The following RFX3 variants were observed in gnomAD, a reference collection of about 807,000 sequenced individuals.
RFX3 encodes the protein transcription factor RFX3.
Under a neutral mutation model 98.6 loss-of-function variants are expected in RFX3, and 14 were observed. The ratio of observed to expected loss-of-function variants is 0.14; its 90% CI spans 0.09 to 0.22. RFX3 has a LOEUF of 0.22. RFX3 is among the 10% of genes least tolerant of loss of function. RFX3 has a pLI of 1.00. For synonymous variants in RFX3, 383 were observed against 328.4 expected (o/e 1.17, Z -1.80); for missense variants, 639 against 926.9 (o/e 0.69, Z 4.03).
chr9:3,248,775 C>A (rs981985523), intron 14 of RFX3, among the ~76,000 whole-genome samples: 1 of 152,046 alleles, frequency 6.6e-6, no homozygotes, highest in African/African-American at 2.4e-5. Flanking sequence ...ATGATTTCCA[C>A]TTAAATTAAG....
chr9:3,228,020 A>G (rs1817990757), intron 16 of RFX3, among the ~76,000 whole-genome samples: 1 of 152,156 alleles, frequency 6.6e-6, no homozygotes, highest in African/African-American at 2.4e-5. Flanking sequence ...CCTGTCGCCG[A>G]TAGTCAATAA....
chr9:3,382,469 T>C (rs111755483), intron 2 of RFX3, among the ~76,000 whole-genome samples: 1 of 152,294 alleles, frequency 6.6e-6, no homozygotes, highest in Non-Finnish European at 1.5e-5. Context: ...ACTGAGGGCC[T>C]TCAGTCTACT....
At chr9:3,334,353 T>C (rs1231649910) in intron 3 of RFX3, among the ~76,000 whole-genome samples, 1 of 152,176 alleles carries the variant, frequency 6.6e-6, no homozygotes, top group Non-Finnish European at 1.5e-5. Context: ...CCACTTCGGA[T>C]TGGAATTTTA....
chr9:3,342,349 C>T (rs1447344603), intron 3 of RFX3, among the ~76,000 whole-genome samples: 2 of 152,112 alleles, frequency 1.3e-5, no homozygotes, highest in Non-Finnish European at 2.9e-5. Flanking sequence ...CCACAGAACT[C>T]TTAAGGGACT....
At chr9:3,319,487 T>C (rs1370076700) in intron 4 of RFX3, among the ~76,000 whole-genome samples, 1 of 152,186 alleles carries the variant, frequency 6.6e-6, no homozygotes, top group Non-Finnish European at 1.5e-5. Flanking sequence ...TTAAGTATTA[T>C]TTGCATTCAT....
At chr9:3,255,498 G>C (rs1031038632) in intron 14 of RFX3, among the ~76,000 whole-genome samples, 2 of 152,216 alleles carry the variant, frequency 1.3e-5, no homozygotes, top group Non-Finnish European at 2.9e-5. Flanking sequence ...ATCTACAGTA[G>C]AGACTGCCTA....
intron 1 of RFX3, among the ~76,000 whole-genome samples, chr9:3,445,293 C>T (rs897072532): frequency 2.8e-5 from 4 of 145,360 alleles, no homozygotes; most frequent in Non-Finnish European, 4.8e-5. Flanking sequence ...CTATGCAATT[C>T]TAAGCAGTTA....
intron 1 of RFX3, among the ~76,000 whole-genome samples, chr9:3,519,256 T>G (rs1489300944): frequency 6.6e-6 from 1 of 152,182 alleles, no homozygotes; most frequent in African/African-American, 2.4e-5. Context: ...GGGCTAGCAT[T>G]CTATTAATTC....
At chr9:3,476,783 G>T (rs943584093) in intron 1 of RFX3, among the ~76,000 whole-genome samples, 7 of 152,178 alleles carry the variant, frequency 4.6e-5, no homozygotes, top group Non-Finnish European at 1.0e-4. Flanking sequence ...GAAGAGGGAA[G>T]TTTTTGAAAG....
intron 1 of RFX3, chr9:3,489,492 G>C: frequency 1.2e-6 from 1 of 831,778 alleles, no homozygotes; most frequent in Non-Finnish European, 1.5e-6. Flanking sequence ...TAGAGTAGGG[G>C]AATTATGACA....
intron 4 of RFX3, 105 bp from the exon 5 acceptor site, chr9:3,301,725 G>T: frequency 1.4e-6 from 1 of 737,320 alleles, no homozygotes; most frequent in Non-Finnish European, 2.3e-6. Flanking sequence ...CTTCCTCAAC[G>T]GTCGTTAATG....
At chr9:3,521,685 T>C (rs769757535) in intron 1 of RFX3, among the ~76,000 whole-genome samples, 8 of 152,196 alleles carry the variant, frequency 5.3e-5, no homozygotes, top group Non-Finnish European at 1.0e-4. Flanking sequence ...CTATAAACTT[T>C]ATAGCAGTAA....
At chr9:3,497,137 A>G (rs1052540224) in intron 1 of RFX3, among the ~76,000 whole-genome samples, 1 of 152,048 alleles carries the variant, frequency 6.6e-6, no homozygotes, top group Non-Finnish European at 1.5e-5. Flanking sequence ...TCGTGATGTG[A>G]AATATAGTGA....
chr9:3,503,331 T>G (rs1033972399), intron 1 of RFX3, among the ~76,000 whole-genome samples: 1 of 152,176 alleles, frequency 6.6e-6, no homozygotes, highest in Non-Finnish European at 1.5e-5. Flanking sequence ...GATGGTTTTT[T>G]GCTTTGCTTA....
chr9:3,431,222 G>C (rs1178751421), intron 1 of RFX3, among the ~76,000 whole-genome samples: 8 of 152,210 alleles, frequency 5.3e-5, no homozygotes, highest in Admixed American at 4.6e-4. Flanking sequence ...ATCTCTTACA[G>C]TTCTCACGTA....
rs897074516 is a variant in RFX3 at position 3,219,109 on chromosome 9, T to C, written c.*5933A>G. 1 of 152,114 alleles carries C rather than the reference T, an allele frequency of 6.6e-6. No homozygotes were observed. The highest frequency in any genetic ancestry group is 2.4e-5 in the African/African-American group (1 of 41,446). 9.4% of individuals were successfully genotyped at this position (152,114 alleles called of 1,614,324 possible). On this transcript the variant is annotated 3_prime_UTR_variant, in exon 17 of 17. Transcript: ENST00000617270. The stretch of plus-strand genomic sequence containing the variant: ...GTAACCAATGCATTGGTCACCACCA[T>C]AGGTCCAAATTGATGATGGAAATGA...
intron 1 of RFX3, among the ~76,000 whole-genome samples, chr9:3,445,706 G>C (rs71506643): frequency 0.066 from 10,066 of 152,172 alleles, 345 homozygotes; most frequent in East Asian, 0.12. Flanking sequence ...TAGAGGCAAA[G>C]TGTAAACTTG....
chr9:3,424,146 CA>C (rs886998685), intron 1 of RFX3, among the ~76,000 whole-genome samples: 19 of 141,954 alleles, frequency 1.3e-4, no homozygotes, highest in South Asian at 4.5e-4. Flanking sequence ...GACTCCTTCT[CA>C]AAAAAAAAAG....
rs1817317690 is a variant in RFX3, at chr9:3,221,028, T to G, written c.*4014A>C. 1 of 152,168 alleles carries G rather than the reference T, an allele frequency of 6.6e-6. No homozygotes were observed. The highest frequency in any genetic ancestry group is 6.6e-5 in the Admixed American group (1 of 15,256). The allele number at this position is 152,168 out of a possible 1,614,324, so 9.4% of individuals were successfully genotyped here. A position where few individuals can be genotyped will look rare whatever the true frequency, so the allele number is the denominator to read the frequency against. ...GTTCTCATCTCAATTTCTGGATGGT[T>G]GTTCTTTTCTCACCAAGAATGTGTG... is the stretch of plus-strand genomic sequence containing the variant. On this transcript the variant is annotated 3_prime_UTR_variant, in exon 17 of 17. Transcript: ENST00000617270.
Sources: gnomAD v4.1 joint callset for allele counts (sites outside exome capture counted in the v4.1 genomes callset) on GRCh38, gnomAD v4.1.1 for gene constraint, MANE v1.5 for transcripts, NCBI Gene and HGNC (gene_info 2026-07-23, HGNC 2026-07-21) for gene names.